The following PTPRD variants were observed in gnomAD, a reference collection of about 807,000 sequenced individuals.
PTPRD encodes the protein protein tyrosine phosphatase receptor type D, also known as receptor-type tyrosine-protein phosphatase delta.
In PTPRD, 34 loss-of-function variants were observed where a neutral mutation model predicts 214.5. That is an observed-to-expected ratio of 0.16 (90% CI 0.12 to 0.21). The LOEUF (loss-of-function observed/expected upper bound fraction) is 0.21, where lower values mean the gene tolerates loss of function less well. Among genes scored for constraint, PTPRD ranks in the 10% least tolerant of loss-of-function variants. The pLI is 1.00. For missense variants in PTPRD, 2,545 were observed against 2,398.7 expected, an observed-to-expected ratio of 1.06 and a Z score of -1.27; for synonymous variants, 1,128 against 845.7, an observed-to-expected ratio of 1.33 and a Z score of -5.79.
At chr9:10,327,914 G>A (rs879754616) in intron 3 of PTPRD, among the ~76,000 whole-genome samples, 19 of 151,680 alleles carry the variant, frequency 1.3e-4, no homozygotes, top group Non-Finnish European at 1.2e-4. Context: ...CAAGATTTGG[G>A]TCCTTGCAGC....
At chr9:9,497,554 G>C (rs1441859651) in intron 8 of PTPRD, among the ~76,000 whole-genome samples, 1 of 151,954 alleles carries the variant, frequency 6.6e-6, no homozygotes, top group African/African-American at 2.4e-5. Flanking sequence ...TTAAAATAAG[G>C]GTGTTTACGA....
At chr9:9,384,168 C>T (rs1340783160) in intron 9 of PTPRD, among the ~76,000 whole-genome samples, 1 of 151,150 alleles carries the variant, frequency 6.6e-6, no homozygotes, top group East Asian at 2.0e-4. Context: ...AAACATATAT[C>T]TCAGTGTGTT....
chr9:8,969,607 A>G (rs2099223651), intron 11 of PTPRD, among the ~76,000 whole-genome samples: 2 of 152,070 alleles, frequency 1.3e-5, no homozygotes, highest in South Asian at 4.1e-4. Flanking sequence ...TATGTTTTAT[A>G]AAAAAGTATG....
intron 3 of PTPRD, among the ~76,000 whole-genome samples, chr9:10,269,579 G>A (rs1008196418): frequency 2.0e-5 from 3 of 152,144 alleles, no homozygotes; most frequent in Non-Finnish European, 2.9e-5. Context: ...TAGTAAGACT[G>A]TAAGCTGCTT....
At chr9:9,552,852 G>C (rs1183934660) in intron 8 of PTPRD, among the ~76,000 whole-genome samples, 2 of 152,050 alleles carry the variant, frequency 1.3e-5, no homozygotes, top group Non-Finnish European at 2.9e-5. Flanking sequence ...GTAAACCAGT[G>C]GCAGGTGTGC....
chr9:8,342,438 G>T (rs1167888868), intron 39 of PTPRD, among the ~76,000 whole-genome samples: 2 of 152,048 alleles, frequency 1.3e-5, no homozygotes, highest in African/African-American at 4.8e-5. Context: ...ACAGTCTCAA[G>T]CTAAACCTCG....
chr9:8,341,635 C>CA (rs1852579275), intron 40 of PTPRD, 58 bp downstream of exon 40: 1 of 1,582,074 alleles, frequency 6.3e-7, no homozygotes. Flanking sequence ...AGCCACGACT[C>CA]AAAGACAAAC....
intron 7 of PTPRD, among the ~76,000 whole-genome samples, chr9:9,637,586 C>A (rs143197003): frequency 8.5e-5 from 13 of 152,338 alleles, no homozygotes; most frequent in African/African-American, 3.1e-4. Context: ...CCTTGGGCAG[C>A]TCCCCGCATA....
chr9:8,728,463 G>T (rs2098612203), intron 12 of PTPRD, among the ~76,000 whole-genome samples: 1 of 152,282 alleles, frequency 6.6e-6, no homozygotes, highest in African/African-American at 2.4e-5. Flanking sequence ...CTCCCAATGT[G>T]CTGGAATTAC....
At chr9:10,359,837 G>T (rs904893067) in intron 2 of PTPRD, among the ~76,000 whole-genome samples, 1 of 152,068 alleles carries the variant, frequency 6.6e-6, no homozygotes, top group Non-Finnish European at 1.5e-5. Context: ...TAATGATATG[G>T]TTTTAAAAGT....
chr9:9,781,058 G>A (rs900703280), intron 5 of PTPRD, among the ~76,000 whole-genome samples: 2 of 152,154 alleles, frequency 1.3e-5, no homozygotes, highest in Non-Finnish European at 2.9e-5. Context: ...AATAGGAGGA[G>A]CACAGGGGGT....
At chr9:8,932,610 C>T (rs1159916185) in intron 11 of PTPRD, among the ~76,000 whole-genome samples, 1 of 152,170 alleles carries the variant, frequency 6.6e-6, no homozygotes, top group Non-Finnish European at 1.5e-5. Flanking sequence ...GCTACAACAG[C>T]TTTGCCAAGT....
chr9:9,107,813 G>T (rs182694949), intron 10 of PTPRD, among the ~76,000 whole-genome samples: 1 of 152,188 alleles, frequency 6.6e-6, no homozygotes, highest in Non-Finnish European at 1.5e-5. Flanking sequence ...GTCACCTTCA[G>T]GATTGATGAC....
chr9:10,178,702 G>A (rs1490726609), intron 3 of PTPRD, among the ~76,000 whole-genome samples: 1 of 151,866 alleles, frequency 6.6e-6, no homozygotes, highest in African/African-American at 2.4e-5. Flanking sequence ...TGGTACTATT[G>A]ATATTCTAGG....
chr9:10,239,894 C>G (rs759265335), intron 3 of PTPRD, among the ~76,000 whole-genome samples: 9 of 151,774 alleles, frequency 5.9e-5, no homozygotes, highest in Non-Finnish European at 1.0e-4. Context: ...GGTCTAGAAC[C>G]CTTTTTCCCC....
At chr9:9,670,214 G>C (rs1554814834) in intron 7 of PTPRD, among the ~76,000 whole-genome samples, 1 of 152,136 alleles carries the variant, frequency 6.6e-6, no homozygotes, top group Non-Finnish European at 1.5e-5. Flanking sequence ...GGGAAGCTGA[G>C]GGGAATGATA....
At chr9:9,069,782 G>C (rs746440681) in intron 10 of PTPRD, among the ~76,000 whole-genome samples, 4 of 152,074 alleles carry the variant, frequency 2.6e-5, no homozygotes, top group African/African-American at 7.2e-5. Context: ...GAAACCTCAG[G>C]TATTATACAA....
chr9:10,288,769 G>A (rs72698934), intron 3 of PTPRD, among the ~76,000 whole-genome samples: 1 of 151,954 alleles, frequency 6.6e-6, no homozygotes, highest in Non-Finnish European at 1.5e-5. Context: ...CTAAAATATA[G>A]ACATGGCAAG....
At chr9:9,598,587 T>G (rs1418417734) in intron 7 of PTPRD, among the ~76,000 whole-genome samples, 2 of 152,098 alleles carry the variant, frequency 1.3e-5, no homozygotes, top group Non-Finnish European at 2.9e-5. Flanking sequence ...ATAGACCTTT[T>G]GATTAACTAT....
Sources: allele counts gnomAD v4.1 joint callset (sites outside exome capture counted in the v4.1 genomes callset), GRCh38; gene constraint gnomAD v4.1.1; transcripts MANE v1.5; gene names NCBI Gene and HGNC (gene_info 2026-07-23, HGNC 2026-07-21).